MIS18BP1: variants seen among roughly 807,000 people sequenced by gnomAD.
The protein encoded by MIS18BP1 is MIS18 binding protein 1.
In MIS18BP1, 72 loss-of-function variants were observed where a neutral mutation model predicts 116.1. The ratio of observed to expected loss-of-function variants is 0.62; its 90% CI spans 0.51 to 0.75. The LOEUF (loss-of-function observed/expected upper bound fraction) is 0.75, where lower values mean the gene tolerates loss of function less well. Ranked by LOEUF, MIS18BP1 falls within the 30% of genes least tolerant of loss-of-function variation. The probability of loss-of-function intolerance (pLI) is 0.00; values close to 1 mark genes in which losing one functional copy is unlikely to be tolerated. For synonymous variants in MIS18BP1, 386 were observed against 427.0 expected, an observed-to-expected ratio of 0.90 and a Z score of 1.18; for missense variants, 1,363 against 1,303.2, an observed-to-expected ratio of 1.05 and a Z score of -0.71.
intron 8 of MIS18BP1, 108 bp downstream of exon 8, chr14:45,231,032 GA>G: frequency 9.0e-7 from 1 of 1,106,368 alleles, no homozygotes; most frequent in Admixed American, 2.9e-5. Flanking sequence ...ATAAGTCAAA[GA>G]ATACTATACT....
At chr14:45,206,042 G>C in intron 15 of MIS18BP1, 41 bp downstream of exon 15, 1 of 1,310,192 alleles carries the variant, frequency 7.6e-7, no homozygotes, top group Non-Finnish European at 1.1e-6. Flanking sequence ...ACATATTAAA[G>C]TTGTTTCATA....
intron 11 of MIS18BP1, among the ~76,000 whole-genome samples, chr14:45,220,757 G>A (rs981536074): frequency 2.0e-5 from 3 of 152,148 alleles, no homozygotes; most frequent in African/African-American, 7.2e-5. Context: ...GGAGAGGGAG[G>A]AGCTTGGCAT....
intron 8 of MIS18BP1, among the ~76,000 whole-genome samples, chr14:45,230,622 A>C (rs1297326075): frequency 1.3e-5 from 2 of 152,004 alleles, no homozygotes; most frequent in Non-Finnish European, 2.9e-5. Flanking sequence ...GGTAATTATT[A>C]TTATTATTAT....
chr14:45,249,714 T>C (rs1891817117), intron 1 of MIS18BP1, among the ~76,000 whole-genome samples: 1 of 151,976 alleles, frequency 6.6e-6, no homozygotes, highest in African/African-American at 2.4e-5. Flanking sequence ...TTACTAAAAA[T>C]GTAAAAATTA....
chr14:45,214,332 T>G (rs1671130584), intron 13 of MIS18BP1, among the ~76,000 whole-genome samples: 1 of 152,254 alleles, frequency 6.6e-6, no homozygotes, highest in Admixed American at 6.5e-5. Context: ...GTGGCAATAC[T>G]GCTCTTTAAT....
At position 45,221,817 on chromosome 14, in the gene MIS18BP1, T is replaced by C. The variant is rs183843217; in HGVS notation, c.2669+2101A>G. Among the ~76,000 whole-genome samples, 3 of 152,350 alleles carry C rather than the reference T, an allele frequency of 2.0e-5. No homozygotes were observed. In the East Asian group the frequency reaches 5.8e-4, roughly 29 times the overall value. ...CTAATTTTCAGTCAGTTCTATCAAA[T>C]ACCAAGAGAGGAGCAGTGTGGTTTC... On this transcript the variant is annotated intron_variant, in intron 11 of 16. Coordinates refer to ENST00000310806, the MANE Select transcript of MIS18BP1 (RefSeq NM_018353.5).
In MIS18BP1 at chr14:45,224,345, ATAG is replaced by A. The variant is rs1891062222; in HGVS notation, c.2239_2241del (p.Leu748del). 1 of 1,613,502 alleles carries A rather than the reference ATAG, an allele frequency of 6.2e-7. No homozygotes were observed. Among genetic ancestry groups the A allele is most frequent in the African/African-American group, 1.3e-5 (1 of 74,864 alleles). On this transcript the variant is annotated inframe_deletion, in exon 11 of 17. Coordinates refer to ENST00000310806, the MANE Select transcript of MIS18BP1 (RefSeq NM_018353.5). ...TTTTCTATTTTCTTCAATTTTGGTA[ATAG>A]TCTGGTATTTTTCTTAAAGTCAGAG...
intron 4 of MIS18BP1, among the ~76,000 whole-genome samples, chr14:45,240,665 T>C (rs1235764029): frequency 1.3e-5 from 2 of 152,036 alleles, no homozygotes; most frequent in African/African-American, 4.8e-5. Context: ...AAAGGAAAGA[T>C]GGGCCTTTGT....
chr14:45,209,690 G>A (rs915936450), intron 14 of MIS18BP1, among the ~76,000 whole-genome samples: 1 of 152,012 alleles, frequency 6.6e-6, no homozygotes, highest in African/African-American at 2.4e-5. Context: ...GATTTTTGAG[G>A]TACTGCCATT....
chr14:45,208,564 C>G (rs781625758), intron 14 of MIS18BP1, among the ~76,000 whole-genome samples: 3 of 152,028 alleles, frequency 2.0e-5, no homozygotes, highest in Non-Finnish European at 4.4e-5. Flanking sequence ...GAACTTCTGA[C>G]CTTGTGATCC....
rs113591904 is a variant in MIS18BP1 at position 45,230,686 on chromosome 14, C to T, written c.1594+455G>A. The stretch of plus-strand genomic sequence containing the variant: ...CCAAACTGGAGTGTTGTAGCACAAA[C>T]ATGGTTCATTACAGCCTCAACCATC... On this transcript the variant is annotated intron_variant, in intron 8 of 16. Coordinates refer to ENST00000310806, the MANE Select transcript of MIS18BP1 (RefSeq NM_018353.5). 4.4e-3 allele frequency among the ~76,000 whole-genome samples: 668 copies of T among 152,196 alleles called. 9 individuals carry two copies. Among genetic ancestry groups the T allele is most frequent in the African/African-American group, 0.015 (623 of 41,514 alleles).
chr14:45,244,940 G>A (rs778441832), intron 2 of MIS18BP1, among the ~76,000 whole-genome samples: 2 of 152,122 alleles, frequency 1.3e-5, no homozygotes, highest in Non-Finnish European at 2.9e-5. Flanking sequence ...CATCATACTA[G>A]CAACTTCAAT....
chr14:45,226,712 TATG>T (rs1891130859), intron 10 of MIS18BP1, 28 bp downstream of exon 10: 2 of 1,319,346 alleles, frequency 1.5e-6, no homozygotes, highest in Non-Finnish European at 2.0e-6. Flanking sequence ...GCTTTCTGCT[TATG>T]ATTAAAAAAC....
Position 45,224,509 on chromosome 14 carries a change from C to G in MIS18BP1, c.2078G>C (p.Ser693Thr). ...ATTTTCTAAAGTCCCCATGGACTTG[C>G]TGATGGGACTTTTTTTTTGACACTC... ...IPECQKKSPI[S>T]KSMGTLENTF... The change falls in exon 11 of 17, where the codon AGC becomes ACC. Residue 693 changes from serine (S) to threonine (T), a missense_variant. Physicochemically the swap from Ser to Thr is moderately conservative, Grantham distance 58. Coordinates refer to ENST00000310806, the MANE Select transcript of MIS18BP1 (RefSeq NM_018353.5). The G allele has an allele frequency of 5.6e-6, 9 of 1,611,290 alleles. No individual in the cohort carries two copies. The highest frequency in any genetic ancestry group is 6.8e-6 in the Non-Finnish European group (8 of 1,179,334).
At chr14:45,214,322 G>C (rs1035457465) in intron 13 of MIS18BP1, among the ~76,000 whole-genome samples, 2 of 152,238 alleles carry the variant, frequency 1.3e-5, no homozygotes, top group African/African-American at 4.8e-5. Context: ...AGACATGCTA[G>C]TGGCAATACT....
Position 45,227,868 on chromosome 14 carries a change from CT to C in MIS18BP1, c.1595-55del. On this transcript the variant is annotated intron_variant, in intron 8 of 16. Coordinates refer to ENST00000310806, the MANE Select transcript of MIS18BP1 (RefSeq NM_018353.5). ...AAATGGTTATATAAAAGAGAAGCTGCTTTTCTACATGAAGAATTAACTTTGA... is the reference window on the plus strand; with the variant it reads ...AAATGGTTATATAAAAGAGAAGCTGCTTTCTACATGAAGAATTAACTTTGA... 5.1e-6 allele frequency: 8 copies of C among 1,558,462 alleles called. No homozygotes were observed. The South Asian group carries it at 6.8e-5, about 13-fold the overall frequency.
Position 45,235,947 on chromosome 14 carries a change from AG to A in MIS18BP1, c.1218-4del. 2 of 1,592,864 alleles carry A rather than the reference AG, an allele frequency of 1.3e-6. No individual in the cohort carries two copies. Among genetic ancestry groups the A allele is most frequent in the Non-Finnish European group, 1.7e-6 (2 of 1,172,924 alleles). On this transcript the variant is annotated splice_region_variant and splice_polypyrimidine_tract_variant and intron_variant, in intron 5 of 16. Coordinates refer to ENST00000310806, the MANE Select transcript of MIS18BP1 (RefSeq NM_018353.5). ...GCCAATATATGTTAGTGACGTCTCT[AG>A]GAAAAAAAAATAGTTTTGGTAAGGT...
intron 5 of MIS18BP1, among the ~76,000 whole-genome samples, chr14:45,237,428 G>C (rs1430033618): frequency 1.3e-5 from 2 of 152,148 alleles, no homozygotes; most frequent in East Asian, 3.9e-4. Flanking sequence ...AATTTGAACT[G>C]TCATTATTTT....
At chr14:45,214,054 T>C (rs1890746851) in intron 13 of MIS18BP1, among the ~76,000 whole-genome samples, 1 of 152,216 alleles carries the variant, frequency 6.6e-6, no homozygotes, top group Non-Finnish European at 1.5e-5. Context: ...AACCAGGTAT[T>C]GTCCAAGGTT....
Sources: gnomAD v4.1 joint callset for allele counts (sites outside exome capture counted in the v4.1 genomes callset) on GRCh38, gnomAD v4.1.1 for gene constraint, MANE v1.5 for transcripts, NCBI Gene and HGNC (gene_info 2026-07-23, HGNC 2026-07-21) for gene names.